PLEKHG1: variants seen among roughly 807,000 people sequenced by gnomAD.
The protein encoded by PLEKHG1 is pleckstrin homology and RhoGEF domain containing G1.
PLEKHG1 carries 44 observed loss-of-function variants against 100.8 expected under a neutral mutation model. That is an observed-to-expected ratio of 0.44 (90% CI 0.34 to 0.56). PLEKHG1 has a LOEUF of 0.56. Among genes scored for constraint, PLEKHG1 ranks in the 20% least tolerant of loss-of-function variants. PLEKHG1 has a pLI of 0.01. For missense variants in PLEKHG1, 1,545 were observed against 1,720.9 expected, an observed-to-expected ratio of 0.90 and a Z score of 1.81; for synonymous variants, 640 against 662.5, an observed-to-expected ratio of 0.97 and a Z score of 0.52.
chr6:150,644,428 G>A (rs978658693), intron 2 of PLEKHG1, among the ~76,000 whole-genome samples: 4 of 146,368 alleles, frequency 2.7e-5, no homozygotes, highest in African/African-American at 1.0e-4. Flanking sequence ...TCTGCCTCCT[G>A]GGTTCAAGTG....
intron 3 of PLEKHG1, among the ~76,000 whole-genome samples, chr6:150,679,369 G>A (rs1377732834): frequency 6.6e-6 from 1 of 152,196 alleles, no homozygotes; most frequent in Non-Finnish European, 1.5e-5. Flanking sequence ...TCAGGGCAGA[G>A]AAGATGTGAA....
intron 3 of PLEKHG1, among the ~76,000 whole-genome samples, chr6:150,671,941 T>A (rs1425777719): frequency 6.6e-6 from 1 of 152,182 alleles, no homozygotes; most frequent in African/African-American, 2.4e-5. Flanking sequence ...TTATAGGTTT[T>A]AAGCAGGAGG....
chr6:150,816,816 C>T (rs1028370080), intron 10 of PLEKHG1, among the ~76,000 whole-genome samples: 1 of 152,156 alleles, frequency 6.6e-6, no homozygotes, highest in African/African-American at 2.4e-5. Flanking sequence ...TAACGTTAAT[C>T]TGCTCCTCAG....
chr6:150,711,111 T>C (rs1298399681), intron 3 of PLEKHG1, among the ~76,000 whole-genome samples: 1 of 152,178 alleles, frequency 6.6e-6, no homozygotes, highest in Non-Finnish European at 1.5e-5. Context: ...ATGATGTCTT[T>C]TTAACGTTTT....
intron 3 of PLEKHG1, among the ~76,000 whole-genome samples, chr6:150,706,333 G>A (rs1781001731): frequency 6.6e-6 from 1 of 152,106 alleles, no homozygotes; most frequent in South Asian, 2.1e-4. Flanking sequence ...ACTATGCCAG[G>A]CATGGTGCGG....
intron 14 of PLEKHG1, among the ~76,000 whole-genome samples, chr6:150,825,075 G>T (rs1776521409): frequency 6.6e-6 from 1 of 152,158 alleles, no homozygotes; most frequent in African/African-American, 2.4e-5. Context: ...CCCCATCAAA[G>T]AGTTCTAGAG....
At chr6:150,794,215 A>G (rs140402255) in intron 4 of PLEKHG1, among the ~76,000 whole-genome samples, 18 of 152,350 alleles carry the variant, frequency 1.2e-4, no homozygotes, top group African/African-American at 4.3e-4. Context: ...AAAAGAGACT[A>G]CTAAAGAGAT....
chr6:150,695,403 T>G (rs1004569791), intron 3 of PLEKHG1, among the ~76,000 whole-genome samples: 2 of 152,234 alleles, frequency 1.3e-5, no homozygotes, highest in Admixed American at 6.5e-5. Flanking sequence ...TATTAGGAAT[T>G]CACTAGAAAT....
chr6:150,785,048 G>C (rs199650315), intron 3 of PLEKHG1, among the ~76,000 whole-genome samples: 2 of 121,440 alleles, frequency 1.6e-5, no homozygotes, highest in Non-Finnish European at 3.8e-5. Flanking sequence ...AAAAAAAAAA[G>C]AGAGAGAGAG....
chr6:150,621,197 T>C (rs62434092), intron 1 of PLEKHG1, among the ~76,000 whole-genome samples: 11,404 of 152,178 alleles, frequency 0.075, 533 homozygotes, highest in Non-Finnish European at 0.1. Context: ...ACAGGAATGA[T>C]GGTTGGTGAG....
intron 3 of PLEKHG1, among the ~76,000 whole-genome samples, chr6:150,661,835 TTATG>T (rs755664610): frequency 1.7e-4 from 26 of 152,312 alleles, no homozygotes; most frequent in Non-Finnish European, 2.8e-4. Flanking sequence ...CACCTTATGA[TTATG>T]TAGCACTTGA....
exon 16 of PLEKHG1, chr6:150,840,827 C>T (rs745777309): frequency 2.5e-6 from 4 of 1,613,958 alleles, no homozygotes; most frequent in Admixed American, 3.3e-5. Context: ...GGCCATCTCC[C>T]AATCAACAAA....
intron 2 of PLEKHG1, among the ~76,000 whole-genome samples, chr6:150,761,934 G>A (rs1025022688): frequency 4.6e-5 from 7 of 152,148 alleles, no homozygotes; most frequent in Admixed American, 2.0e-4. Flanking sequence ...TTCAGGAGGA[G>A]GTAGCAAAAC....
chr6:150,698,325 ATTTTGGATTTTGGAC>A (rs2128597120), intron 3 of PLEKHG1, among the ~76,000 whole-genome samples: 1 of 152,320 alleles, frequency 6.6e-6, no homozygotes, highest in East Asian at 1.9e-4. Context: ...ATTTTGGAGC[ATTTTGGATTTTGGAC>A]TTTTGGATTA....
intron 14 of PLEKHG1, among the ~76,000 whole-genome samples, chr6:150,825,994 C>T (rs933941862): frequency 6.6e-6 from 1 of 151,990 alleles, no homozygotes; most frequent in Non-Finnish European, 1.5e-5. Context: ...GCCTGGCCAA[C>T]ATGGTGAAAC....
chr6:150,755,169 T>G (rs1783761596), intron 2 of PLEKHG1, among the ~76,000 whole-genome samples: 1 of 151,724 alleles, frequency 6.6e-6, no homozygotes, highest in African/African-American at 2.4e-5. Flanking sequence ...TGGAGACAGG[T>G]CTCACTTTGT....
intron 3 of PLEKHG1, among the ~76,000 whole-genome samples, chr6:150,690,361 T>C (rs1780307688): frequency 6.6e-6 from 1 of 152,080 alleles, no homozygotes; most frequent in Admixed American, 6.6e-5. Context: ...ACATCGTTAC[T>C]GTTTCTCGGT....
intron 1 of PLEKHG1, among the ~76,000 whole-genome samples, chr6:150,628,806 A>G (rs972152935): frequency 6.6e-6 from 1 of 152,194 alleles, no homozygotes; most frequent in African/African-American, 2.4e-5. Context: ...TAATAGCCCC[A>G]GGTAATTCAC....
At chr6:150,813,939 TG>T (rs1562543800) in intron 10 of PLEKHG1, among the ~76,000 whole-genome samples, 5 of 152,238 alleles carry the variant, frequency 3.3e-5, no homozygotes, top group Non-Finnish European at 1.5e-5. Flanking sequence ...AAAATTGAAC[TG>T]GGTGGAAAAT....
Sources: gnomAD v4.1 joint callset for allele counts (sites outside exome capture counted in the v4.1 genomes callset) on GRCh38, gnomAD v4.1.1 for gene constraint, MANE v1.5 for transcripts, NCBI Gene and HGNC (gene_info 2026-07-23, HGNC 2026-07-21) for gene names.